Variants in MEI4 observed in about 807,000 individuals in gnomAD.
MEI4 encodes the protein meiosis-specific protein MEI4.
Under a neutral mutation model 31.4 loss-of-function variants are expected in MEI4, and 27 were observed. The ratio of observed to expected loss-of-function variants is 0.86; its 90% CI spans 0.63 to 1.19. The LOEUF is 1.19. MEI4 is among the 50% of genes most tolerant of loss of function. MEI4 has a pLI of 0.00. For missense variants in MEI4, 329 were observed against 398.9 expected, an observed-to-expected ratio of 0.82 and a Z score of 1.49; for synonymous variants, 122 against 145.4, an observed-to-expected ratio of 0.84 and a Z score of 1.16.
At chr6:77,659,414 T>C (rs1768459377) in intron 1 of MEI4, among the ~76,000 whole-genome samples, 1 of 151,558 alleles carries the variant, frequency 6.6e-6, no homozygotes, top group East Asian at 1.9e-4. Flanking sequence ...AGATGAGGAG[T>C]GCTGAAAGGG....
At chr6:77,787,380 T>G (rs761911705) in intron 3 of MEI4, among the ~76,000 whole-genome samples, 1 of 152,160 alleles carries the variant, frequency 6.6e-6, no homozygotes, top group Non-Finnish European at 1.5e-5. Flanking sequence ...TCTAGTTCAC[T>G]TAGGGACTAT....
At chr6:77,859,517 T>C (rs1994138) in intron 4 of MEI4, among the ~76,000 whole-genome samples, 125,621 of 152,116 alleles carry the variant, frequency 0.83, 52,390 homozygotes, top group East Asian at 0.95. Context: ...TCCACAGCCT[T>C]GCCAATATCT....
rs544485345 is a variant in MEI4 at position 77,764,605 on chromosome 6, T to A, written c.768+2940T>A. Among the ~76,000 whole-genome samples the A allele has an allele frequency of 3.3e-5, 5 of 152,308 alleles. No homozygotes were observed. In the East Asian group the frequency reaches 7.7e-4, roughly 24 times the overall value. Reference sequence around the variant, plus strand: ...GACTTGAACAACACTGTAGAGTAAATGGATTTAATTGACATATACAGAACT... The same window carrying A: ...GACTTGAACAACACTGTAGAGTAAAAGGATTTAATTGACATATACAGAACT... On this transcript the variant is annotated intron_variant, in intron 3 of 4. Transcript: ENST00000684080.
chr6:77,766,324 GT>G (rs1472553657), intron 3 of MEI4, among the ~76,000 whole-genome samples: 1 of 152,080 alleles, frequency 6.6e-6, no homozygotes. Flanking sequence ...TAGTACTGTC[GT>G]TTTTGCTTCA....
intron 4 of MEI4, among the ~76,000 whole-genome samples, chr6:77,868,502 CATATATAT>C (rs58946198): frequency 0.017 from 1,537 of 90,074 alleles, 111 homozygotes; most frequent in Non-Finnish European, 0.028. Context: ...AAAAATACTA[CATATATAT>C]ATATATATAT....
At chr6:77,783,148 G>A (rs1020344876) in intron 3 of MEI4, among the ~76,000 whole-genome samples, 19 of 152,188 alleles carry the variant, frequency 1.2e-4, no homozygotes, top group African/African-American at 4.6e-4. Flanking sequence ...GAAAAATGGA[G>A]CCTTTCTGCC....
chr6:77,836,679 GAA>G (rs1450172729), intron 4 of MEI4, among the ~76,000 whole-genome samples: 1 of 151,974 alleles, frequency 6.6e-6, no homozygotes, highest in East Asian at 1.9e-4. Context: ...ATAAGATAAA[GAA>G]AAGTAATCAT....
intron 2 of MEI4, among the ~76,000 whole-genome samples, chr6:77,712,387 C>G (rs1054181365): frequency 6.6e-6 from 1 of 151,940 alleles, no homozygotes; most frequent in Non-Finnish European, 1.5e-5. Flanking sequence ...TTTTCCCCAA[C>G]TAATGAGGAT....
At chr6:77,863,354 G>C (rs867240475) in intron 4 of MEI4, among the ~76,000 whole-genome samples, 5 of 149,086 alleles carry the variant, frequency 3.4e-5, no homozygotes, top group Middle Eastern at 6.8e-3. Context: ...TAGACGAATG[G>C]CTAACTAGAA....
intron 2 of MEI4, among the ~76,000 whole-genome samples, chr6:77,743,971 A>G (rs551907304): frequency 1.4e-4 from 21 of 152,178 alleles, no homozygotes; most frequent in Non-Finnish European, 3.1e-4. Context: ...CCATCTGTAC[A>G]TCACCATCAT....
At chr6:77,817,077 T>C (rs9443479) in intron 3 of MEI4, among the ~76,000 whole-genome samples, 34,519 of 151,826 alleles carry the variant, frequency 0.23, 4,685 homozygotes, top group African/African-American at 0.38. Context: ...TATTCACACT[T>C]GTCAGCATTT....
chr6:77,885,694 C>A (rs1771603126), intron 4 of MEI4, among the ~76,000 whole-genome samples: 1 of 151,872 alleles, frequency 6.6e-6, no homozygotes, highest in African/African-American at 2.4e-5. Context: ...TCTAGAACTT[C>A]CAGTACTATG....
chr6:77,680,254 G>T (rs1003356708), intron 1 of MEI4, among the ~76,000 whole-genome samples: 1 of 151,346 alleles, frequency 6.6e-6, no homozygotes, highest in African/African-American at 2.4e-5. Context: ...ACTCTAGCCT[G>T]GGCGAGTGAG....
intron 2 of MEI4, among the ~76,000 whole-genome samples, chr6:77,735,696 G>A (rs1156778296): frequency 1.3e-5 from 2 of 152,092 alleles, no homozygotes; most frequent in Admixed American, 6.5e-5. Flanking sequence ...TTCCTTTGGA[G>A]GAGGAGAGGT....
At chr6:77,922,756 G>A (rs1766734387) in intron 4 of MEI4, among the ~76,000 whole-genome samples, 1 of 151,608 alleles carries the variant, frequency 6.6e-6, no homozygotes, top group Admixed American at 6.6e-5. Context: ...GCAAAAGATT[G>A]AATTTAACAC....
chr6:77,830,116 A>G (rs1562004909), intron 4 of MEI4, among the ~76,000 whole-genome samples: 1 of 152,096 alleles, frequency 6.6e-6, no homozygotes, highest in African/African-American at 2.4e-5. Context: ...AGATCAAGGA[A>G]TAGGCCATGG....
chr6:77,875,214 A>C (rs2127726729), intron 4 of MEI4, among the ~76,000 whole-genome samples: 1 of 151,994 alleles, frequency 6.6e-6, no homozygotes, highest in Non-Finnish European at 1.5e-5. Context: ...TCTTCATTTT[A>C]CTCACCACTC....
intron 3 of MEI4, among the ~76,000 whole-genome samples, chr6:77,792,506 G>C (rs777843546): frequency 6.6e-6 from 1 of 152,044 alleles, no homozygotes. Context: ...ATTCTAAAAG[G>C]TGTGAGGTGA....
At chr6:77,691,663 T>G (rs1388730390) in intron 2 of MEI4, among the ~76,000 whole-genome samples, 1 of 152,058 alleles carries the variant, frequency 6.6e-6, no homozygotes, top group African/African-American at 2.4e-5. Context: ...AGAAGGGTCT[T>G]GAATGTCAAC....
Sources: gnomAD v4.1 joint callset for allele counts (sites outside exome capture counted in the v4.1 genomes callset) on GRCh38, gnomAD v4.1.1 for gene constraint, MANE v1.5 for transcripts, NCBI Gene and HGNC (gene_info 2026-07-23, HGNC 2026-07-21) for gene names.